HDAC4: variants seen among roughly 807,000 people sequenced by gnomAD.
HDAC4 encodes histone deacetylase 4.
In HDAC4, 16 loss-of-function variants were observed where a neutral mutation model predicts 135.1. That is an observed-to-expected ratio of 0.12 (90% confidence interval 0.08 to 0.18). The LOEUF (loss-of-function observed/expected upper bound fraction) is 0.18, where lower values mean the gene tolerates loss of function less well. Among genes scored for constraint, HDAC4 ranks in the 10% least tolerant of loss-of-function variants. The pLI is 1.00. For missense variants in HDAC4, 1,143 were observed against 1,511.8 expected, an observed-to-expected ratio of 0.76 and a Z score of 4.05; for synonymous variants, 685 against 653.4, an observed-to-expected ratio of 1.05 and a Z score of -0.74.
At chr2:239,333,520 A>G (rs1215289988) in intron 2 of HDAC4, among the ~76,000 whole-genome samples, 2 of 152,194 alleles carry the variant, frequency 1.3e-5, no homozygotes, top group African/African-American at 4.8e-5. Context: ...ACTATAAGCA[A>G]TGTAAATTCA....
At position 239,352,082 on chromosome 2, in the gene HDAC4, G is replaced by T. The variant is rs1211189171; in HGVS notation, c.22+596C>A. 6.6e-6 allele frequency among the ~76,000 whole-genome samples: 1 copy of T among 152,228 alleles called. No individual in the cohort carries two copies. Among genetic ancestry groups the T allele is most frequent in the Non-Finnish European group, 1.5e-5 (1 of 68,048 alleles). On this transcript the variant is annotated intron_variant, in intron 2 of 26. Transcript: ENST00000543185. The surrounding 1 kb of genome is among the most constrained non-coding windows in gnomAD (Gnocchi z 4.4). The stretch of plus-strand genomic sequence containing the variant: ...CTGAAGCTCAGAGCAGGACAAGCTT[G>T]CTTCCCAATCATGTGGGTCCCCCAC...
At chr2:239,383,492 AC>A (rs1215502703) in intron 1 of HDAC4, among the ~76,000 whole-genome samples, 1 of 152,216 alleles carries the variant, frequency 6.6e-6, no homozygotes, top group Admixed American at 6.5e-5. Flanking sequence ...CTCAGCCGGA[AC>A]AGGTGCCTCC....
intron 1 of HDAC4, among the ~76,000 whole-genome samples, chr2:239,380,530 C>A (rs1172978726): frequency 6.6e-6 from 1 of 152,094 alleles, no homozygotes; most frequent in Non-Finnish European, 1.5e-5. Flanking sequence ...AACCACCTGC[C>A]TTTAAAAACT....
At chr2:239,201,667 C>T (rs537612973) in intron 3 of HDAC4, among the ~76,000 whole-genome samples, 56 of 152,300 alleles carry the variant, frequency 3.7e-4, no homozygotes, top group African/African-American at 1.3e-3. Context: ...CACCTCCCTT[C>T]TCAACAGCAC....
At chr2:239,374,613 C>T (rs56808103) in intron 1 of HDAC4, among the ~76,000 whole-genome samples, 37,513 of 150,468 alleles carry the variant, frequency 0.25, 8,202 homozygotes, top group East Asian at 0.63. Context: ...CCGTTTTAGC[C>T]AGGATGGTCT....
Position 239,052,909 on chromosome 2 carries a change from G to A in HDAC4, c.*188C>T, listed in dbSNP as rs1435040245. The stretch of plus-strand genomic sequence containing the variant: ...CCCTGTGAGGCTGCCACGCCCAGGC[G>A]TGCATGTGCGTCTCGAGACCTGTGG... On this transcript the variant is annotated 3_prime_UTR_variant, in exon 27 of 27. Transcript: ENST00000543185. The A allele has an allele frequency of 1.9e-5, 13 of 671,328 alleles. No individual in the cohort carries two copies. Among genetic ancestry groups the A allele is most frequent in the South Asian group, 3.4e-5 (2 of 59,068 alleles). The allele number at this position is 671,328 out of a possible 1,614,324, so 41.6% of individuals were successfully genotyped here.
intron 1 of HDAC4, among the ~76,000 whole-genome samples, chr2:239,397,925 C>G (rs891523237): frequency 1.3e-5 from 2 of 152,188 alleles, no homozygotes; most frequent in African/African-American, 4.8e-5. Context: ...CACCTGAAAT[C>G]AAAACAAACA....
At chr2:239,094,657 C>T (rs1052261178) in intron 17 of HDAC4, 149 of 1,177,658 alleles carry the variant, frequency 1.3e-4, no homozygotes, top group South Asian at 1.9e-4. Context: ...TACAGAAGCA[C>T]GCATCCTACC....
chr2:239,244,552 A>G (rs542176263), intron 2 of HDAC4, among the ~76,000 whole-genome samples: 4 of 152,302 alleles, frequency 2.6e-5, no homozygotes, highest in African/African-American at 7.2e-5. Flanking sequence ...AGGTAGTAGA[A>G]TTTTACTGGC....
rs2052094910 is a variant in HDAC4, at chr2:239,299,149, G to A, written c.22+53529C>T. 6.6e-6 allele frequency among the ~76,000 whole-genome samples: 1 copy of A among 152,104 alleles called. No individual in the cohort carries two copies. The highest frequency in any genetic ancestry group is 1.5e-5 in the Non-Finnish European group (1 of 68,024). On this transcript the variant is annotated intron_variant, in intron 2 of 26. Coordinates refer to ENST00000543185, the MANE Select transcript of HDAC4 (RefSeq NM_001378414.1). The surrounding 1 kb of genome is among the most constrained non-coding windows in gnomAD (Gnocchi z 4.0). ...CAAAGTGCTGGGATTACAGGCATAAGCTATTGCACCCGGCCTGTCATAGCC... is the reference window on the plus strand; with the variant it reads ...CAAAGTGCTGGGATTACAGGCATAAACTATTGCACCCGGCCTGTCATAGCC...
intron 2 of HDAC4, among the ~76,000 whole-genome samples, chr2:239,334,734 A>C (rs1341898951): frequency 6.6e-6 from 1 of 152,056 alleles, no homozygotes; most frequent in South Asian, 2.1e-4. Flanking sequence ...TTTAAAATTC[A>C]TATGGAGGCC....
At position 239,267,132 on chromosome 2, in the gene HDAC4, G is replaced by A. The variant is rs762614757; in HGVS notation, c.23-30468C>T. On this transcript the variant is annotated intron_variant, in intron 2 of 26. Coordinates refer to ENST00000543185, the MANE Select transcript of HDAC4 (RefSeq NM_001378414.1). ...GACCACCTAGCACTCCTGTGGCACT[G>A]GACACATTACTTGACCTCTGATGTT... Among the ~76,000 whole-genome samples the A allele has an allele frequency of 8.7e-4, 132 of 152,188 alleles. 1 individual carries two copies. The highest frequency in any genetic ancestry group is 2.7e-3 in the Admixed American group (41 of 15,284).
intron 2 of HDAC4, among the ~76,000 whole-genome samples, chr2:239,328,569 A>G (rs1351733370): frequency 6.6e-6 from 1 of 152,200 alleles, no homozygotes; most frequent in Non-Finnish European, 1.5e-5. Context: ...CCAACGAGGA[A>G]AACATCCTAT....
At chr2:239,382,733 T>C (rs13404953) in intron 1 of HDAC4, among the ~76,000 whole-genome samples, 2,578 of 152,212 alleles carry the variant, frequency 0.017, 79 homozygotes, top group African/African-American at 0.058. Flanking sequence ...CTTTTTCTTT[T>C]TTTTTTTTTA....
chr2:239,273,514 G>A (rs1475879598), intron 2 of HDAC4, among the ~76,000 whole-genome samples: 1 of 152,136 alleles, frequency 6.6e-6, no homozygotes, highest in East Asian at 1.9e-4. Context: ...TGAGTGTCTT[G>A]GATTATCACT....
At chr2:239,250,991 G>A (rs1374479930) in intron 2 of HDAC4, among the ~76,000 whole-genome samples, 3 of 152,140 alleles carry the variant, frequency 2.0e-5, no homozygotes, top group Admixed American at 6.5e-5. Context: ...TCAACTTACC[G>A]GTGCAGCCAG....
At chr2:239,061,085 G>A (rs924196505) in intron 24 of HDAC4, among the ~76,000 whole-genome samples, 4 of 152,256 alleles carry the variant, frequency 2.6e-5, no homozygotes, top group African/African-American at 9.6e-5. Context: ...CGCCACAATC[G>A]GCTGCATGCA....
chr2:239,157,928 G>A (rs953557253), intron 6 of HDAC4, among the ~76,000 whole-genome samples: 1 of 152,204 alleles, frequency 6.6e-6, no homozygotes, highest in African/African-American at 2.4e-5. Flanking sequence ...AGCTCAGGGA[G>A]CTCCGGAAAA....
At chr2:239,057,053 A>T (rs2031962980) in intron 24 of HDAC4, among the ~76,000 whole-genome samples, 1 of 152,224 alleles carries the variant, frequency 6.6e-6, no homozygotes, top group African/African-American at 2.4e-5. Context: ...GTTGTGGTAA[A>T]GCTGGTGACA....
Sources: gnomAD v4.1 joint callset for allele counts (sites outside exome capture counted in the v4.1 genomes callset) on GRCh38, gnomAD v4.1.1 for gene constraint, Gnocchi (gnomAD v3.1) non-coding constraint, MANE v1.5 for transcripts, NCBI Gene and HGNC (gene_info 2026-07-23, HGNC 2026-07-21) for gene names.